JCAD: variants seen among roughly 807,000 people sequenced by gnomAD.
JCAD encodes the protein junctional cadherin 5-associated protein.
A neutral mutation model predicts 98.0 loss-of-function variants in JCAD; 40 were observed. The observed-to-expected ratio is 0.41, with a 90% CI of 0.32 to 0.53. The LOEUF (loss-of-function observed/expected upper bound fraction) is 0.53. JCAD is among the 20% of genes least tolerant of loss of function. JCAD has a pLI of 0.31. For missense variants in JCAD, 1,705 were observed against 1,738.1 expected, an observed-to-expected ratio of 0.98 and a Z score of 0.34; for synonymous variants, 691 against 682.3, an observed-to-expected ratio of 1.01 and a Z score of -0.20.
rs1438253258 is a variant in JCAD at position 30,015,775 on chromosome 10, C to T, written c.*2108G>A. ...TCATATACATGTATGGGTATGTGTG[C>T]ATACATGTACGAGTATACATGTGCA... On this transcript the variant is annotated 3_prime_UTR_variant, in exon 4 of 4. Transcript: ENST00000375377. 1 of 152,172 alleles carries T rather than the reference C, an allele frequency of 6.6e-6. No homozygotes were observed. The highest frequency in any genetic ancestry group is 2.4e-5 in the African/African-American group (1 of 41,438). The allele number at this position is 152,172 out of a possible 1,614,324, so 9.4% of individuals were successfully genotyped here. A position where few individuals can be genotyped will look rare whatever the true frequency, so the allele number is the denominator to read the frequency against.
chr10:30,087,126 G>A (rs1037447345), intron 1 of JCAD, among the ~76,000 whole-genome samples: 9 of 152,164 alleles, frequency 5.9e-5, no homozygotes, highest in African/African-American at 2.2e-4. Flanking sequence ...CAGGCAAAGA[G>A]GCTAAGTGGC....
At chr10:30,048,318 C>T (rs75254556) in intron 1 of JCAD, among the ~76,000 whole-genome samples, 2,805 of 152,288 alleles carry the variant, frequency 0.018, 101 homozygotes, top group African/African-American at 0.063. Flanking sequence ...TCTTAGGACA[C>T]GCCCCTGCTT....
chr10:30,108,693 G>A (rs1418582446), intron 1 of JCAD, among the ~76,000 whole-genome samples: 1 of 152,158 alleles, frequency 6.6e-6, no homozygotes, highest in Non-Finnish European at 1.5e-5. Flanking sequence ...CACTAAGTCC[G>A]TGGGAGGAGA....
Position 30,092,064 on chromosome 10 carries a change from A to AATATATATAT in JCAD, n.129-22253_129-22244dup. ...AAAAAAAAAAAAAAAAAAAAAAAAA[A>AATATATATAT]ATATATATATATATATATATATATA... On this transcript the variant is annotated intron_variant and non_coding_transcript_variant, in intron 1 of 2. Coordinates refer to the JCAD transcript ENST00000465712. 8.9e-3 allele frequency among the ~76,000 whole-genome samples: 169 copies of AATATATATAT among 19,000 alleles called. 1 individual carries two copies. The highest frequency in any genetic ancestry group is 0.015 in the African/African-American group (67 of 4,440). 12.5% of individuals were successfully genotyped at this position (19,000 alleles called of 152,430 possible).
rs1237614828 is a variant in JCAD at position 30,059,297 on chromosome 10, G to T, written c.-60+185C>A. 4.0e-5 allele frequency among the ~76,000 whole-genome samples: 6 copies of T among 151,118 alleles called. No homozygotes were observed. The highest frequency in any genetic ancestry group is 1.5e-4 in the African/African-American group (6 of 41,270). On this transcript the variant is annotated intron_variant, in intron 1 of 3. Coordinates refer to ENST00000375377, the MANE Select transcript of JCAD (RefSeq NM_020848.4). The surrounding 1 kb of genome is among the most constrained non-coding windows in gnomAD (Gnocchi z 5.0). Reference sequence around the variant, plus strand: ...CTGCCGGGCTAGGCACCGCGCGGGGGGCCCAGGCGGGGCTGCGACTGGGGG... The same window carrying T: ...CTGCCGGGCTAGGCACCGCGCGGGGTGCCCAGGCGGGGCTGCGACTGGGGG...
intron 1 of JCAD, among the ~76,000 whole-genome samples, chr10:30,089,513 C>CATGTGT (rs1554802208): frequency 2.1e-5 from 3 of 143,036 alleles, no homozygotes; most frequent in African/African-American, 7.9e-5. Flanking sequence ...ATGCTTCTTC[C>CATGTGT]GTGTGTGTGT....
intron 1 of JCAD, among the ~76,000 whole-genome samples, chr10:30,106,751 T>C (rs915444246): frequency 6.6e-6 from 1 of 152,224 alleles, no homozygotes; most frequent in Non-Finnish European, 1.5e-5. Flanking sequence ...TCTGCCCACC[T>C]CAGCCTCCTA....
chr10:30,081,761 G>A (rs962850112), intron 1 of JCAD, among the ~76,000 whole-genome samples: 2 of 152,092 alleles, frequency 1.3e-5, no homozygotes, highest in African/African-American at 2.4e-5. Flanking sequence ...ATGCTAGCAC[G>A]TACCAGCAGC....
intron 1 of JCAD, among the ~76,000 whole-genome samples, chr10:30,110,428 C>T (rs1329041199): frequency 6.6e-6 from 1 of 151,998 alleles, no homozygotes; most frequent in Admixed American, 6.6e-5. Flanking sequence ...AATGTATGGA[C>T]CTGTTGGTGT....
At chr10:30,098,936 T>C (rs1838423252) in intron 1 of JCAD, among the ~76,000 whole-genome samples, 1 of 152,230 alleles carries the variant, frequency 6.6e-6, no homozygotes, top group Non-Finnish European at 1.5e-5. Context: ...GTACTCGCCT[T>C]GGTTTTTTCA....
intron 1 of JCAD, among the ~76,000 whole-genome samples, chr10:30,092,451 C>T (rs1327388866): frequency 6.6e-6 from 1 of 152,072 alleles, no homozygotes; most frequent in East Asian, 1.9e-4. Flanking sequence ...TCCCACTCTC[C>T]CATCTAGTTC....
chr10:30,038,702 A>AG (rs796720199), intron 2 of JCAD, among the ~76,000 whole-genome samples: 62 of 150,678 alleles, frequency 4.1e-4, no homozygotes, highest in Admixed American at 9.3e-4. Flanking sequence ...AAAAAAAAAA[A>AG]AAAGAAAGAA....
At chr10:30,049,073 A>T (rs1235443323) in intron 1 of JCAD, among the ~76,000 whole-genome samples, 1 of 152,252 alleles carries the variant, frequency 6.6e-6, no homozygotes, top group Non-Finnish European at 1.5e-5. Flanking sequence ...CGAGCAAAAG[A>T]GGGAGAGCCG....
At position 30,016,545 on chromosome 10, in the gene JCAD, G is replaced by C. The variant is rs1192172337; in HGVS notation, c.*1338C>G. 1 of 152,080 alleles carries C rather than the reference G, an allele frequency of 6.6e-6. No homozygotes were observed. Among genetic ancestry groups the C allele is most frequent in the Non-Finnish European group, 1.5e-5 (1 of 68,018 alleles). 9.4% of individuals were successfully genotyped at this position (152,080 alleles called of 1,614,324 possible). Reference sequence around the variant, plus strand: ...AGTATTAAACACAGTAGAATACATAGGCCTCATAATGCTTTTGTAATGGCA... The same window carrying C: ...AGTATTAAACACAGTAGAATACATACGCCTCATAATGCTTTTGTAATGGCA... On this transcript the variant is annotated 3_prime_UTR_variant, in exon 4 of 4. Coordinates refer to ENST00000375377, the MANE Select transcript of JCAD (RefSeq NM_020848.4).
chr10:30,075,168 A>G (rs1051152391), intron 1 of JCAD, among the ~76,000 whole-genome samples: 6 of 152,214 alleles, frequency 3.9e-5, no homozygotes, highest in African/African-American at 1.4e-4. Flanking sequence ...AATTCTAGGA[A>G]ATGTCTTATT....
upstream of JCAD, among the ~76,000 whole-genome samples, chr10:30,062,795 T>C (rs1262952074): frequency 6.6e-6 from 1 of 152,182 alleles, no homozygotes; most frequent in African/African-American, 2.4e-5. Context: ...CCCGCGTCCA[T>C]GATTCAATTA....
chr10:30,028,356 T>C lies in JCAD; in HGVS notation c.1792A>G (p.Met598Val). Reference protein sequence around the residue: ...KSESHLPDRDMDNNDLKPSAD... With the variant: ...KSESHLPDRDVDNNDLKPSAD... ...CTGGGCTTTAAGTCATTGTTGTCCA[T>C]ATCTCTATCTGGCAGATGTGATTCT... Residue 598 changes from methionine (M) to valine (V), a missense_variant, in exon 3 of 4, where the codon ATG (methionine) becomes GTG (valine). Around this residue, in one of 3 missense-constraint regions of JCAD, gnomAD observed 1,278 missense variants for 1,243.1 expected, o/e 1.03. Transcript: ENST00000375377. The C allele has an allele frequency of 6.2e-7, 1 of 1,614,232 alleles. No homozygotes were observed. Among genetic ancestry groups the C allele is most frequent in the Non-Finnish European group, 8.5e-7 (1 of 1,180,032 alleles).
chr10:30,109,283 A>C (rs1234720062), intron 1 of JCAD, among the ~76,000 whole-genome samples: 5 of 152,174 alleles, frequency 3.3e-5, no homozygotes, highest in Non-Finnish European at 7.4e-5. Context: ...ACTCTCTGAA[A>C]TGCATGTCTA....
chr10:30,088,412 C>A (rs1467000414), intron 1 of JCAD, among the ~76,000 whole-genome samples: 9 of 152,118 alleles, frequency 5.9e-5, no homozygotes, highest in Admixed American at 5.9e-4. Flanking sequence ...TAGGAGTTCT[C>A]ACTGCAGGCC....
Sources: gnomAD v4.1 joint callset for allele counts (sites outside exome capture counted in the v4.1 genomes callset) on GRCh38, gnomAD v4.1.1 for gene constraint, gnomAD v4.1.1 regional missense constraint, Gnocchi (gnomAD v3.1) non-coding constraint, MANE v1.5 for transcripts, NCBI Gene and HGNC (gene_info 2026-07-23, HGNC 2026-07-21) for gene names.